Variants in GPT2 observed in about 807,000 individuals in gnomAD.
GPT2 encodes the protein alanine aminotransferase 2.
In GPT2, 30 loss-of-function variants were observed where a neutral mutation model predicts 56.9. The ratio of observed to expected loss-of-function variants is 0.53; its 90% CI spans 0.39 to 0.72. GPT2 has a LOEUF of 0.72. Ranked by LOEUF, GPT2 falls within the 30% of genes least tolerant of loss-of-function variation. The probability of loss-of-function intolerance (pLI) is 0.00; values close to 1 mark genes in which losing one functional copy is unlikely to be tolerated. For missense variants in GPT2, 542 were observed against 703.4 expected (o/e 0.77, Z 2.60); for synonymous variants, 271 against 283.1 (o/e 0.96, Z 0.43).
At chr16:46,925,388 A>AT (rs1383066809) in intron 10 of GPT2, among the ~76,000 whole-genome samples, 5 of 151,956 alleles carry the variant, frequency 3.3e-5, no homozygotes, top group Non-Finnish European at 5.9e-5. Flanking sequence ...CACCCGGATA[A>AT]TTTTTTGTAT....
At chr16:46,897,761 G>C (rs1219369921) in intron 3 of GPT2, 24 bp downstream of exon 3, 1 of 1,609,370 alleles carries the variant, frequency 6.2e-7, no homozygotes, top group Non-Finnish European at 8.5e-7. Context: ...AGGAGCAGAG[G>C]CTGCAGGAGG....
intron 2 of GPT2, among the ~76,000 whole-genome samples, chr16:46,887,815 C>T (rs1960514027): frequency 6.6e-6 from 1 of 152,154 alleles, no homozygotes; most frequent in Admixed American, 6.5e-5. Flanking sequence ...AGTCCCTATC[C>T]TTTTTGCTTC....
chr16:46,888,007 A>T (rs937770738), intron 2 of GPT2, among the ~76,000 whole-genome samples: 1 of 152,248 alleles, frequency 6.6e-6, no homozygotes, highest in Non-Finnish European at 1.5e-5. Context: ...GCACTTAAAA[A>T]TAAGCTGCAA....
At chr16:46,916,447 G>A (rs947420344) in intron 6 of GPT2, 181 bp from the exon 7 acceptor site, 19 of 612,160 alleles carry the variant, frequency 3.1e-5, no homozygotes, top group Admixed American at 6.9e-5. Flanking sequence ...TCTTCTGGGC[G>A]TCCCTGGAGG....
chr16:46,900,731 C>T lies in GPT2; in HGVS notation c.383C>T (p.Pro128Leu). The T allele has an allele frequency of 6.2e-7, 1 of 1,614,116 alleles. No individual in the cohort carries two copies. The highest frequency in any genetic ancestry group is 8.5e-7 in the Non-Finnish European group (1 of 1,179,984). Residue 128 changes from proline (P) to leucine (L), a missense_variant, in exon 4 of 12, where the codon CCA becomes CTA. Physicochemically the swap from Pro to Leu is moderately conservative, Grantham distance 98. Transcript: ENST00000340124. Reference protein sequence around the residue: ...YPNLLDSPSFPEDAKKRARRI... With the variant: ...YPNLLDSPSFLEDAKKRARRI... ...AACCTGCTGGACAGCCCCAGCTTCC[C>T]AGAAGATGCTAAGAAACGTGCCCGG...
chr16:46,922,122 C>T (rs1322434839), intron 8 of GPT2, 120 bp from the exon 9 acceptor site: 1 of 866,554 alleles, frequency 1.2e-6, no homozygotes, highest in Non-Finnish European at 1.8e-6. Context: ...GGCAAGAACT[C>T]AGCCACACCT....
intron 8 of GPT2, among the ~76,000 whole-genome samples, chr16:46,920,290 CTG>C (rs1293343526): frequency 1.3e-5 from 2 of 152,238 alleles, no homozygotes; most frequent in Admixed American, 6.5e-5. Flanking sequence ...ACCTGTTAAA[CTG>C]AAACATGCCA....
chr16:46,884,988 G>A, intron 2 of GPT2, 30 bp downstream of exon 2: 1 of 1,445,768 alleles, frequency 6.9e-7, no homozygotes, highest in Non-Finnish European at 9.2e-7. Flanking sequence ...CGGGGAGGCT[G>A]GGGCCGCTGA....
At chr16:46,885,278 T>G in intron 2 of GPT2, 1 of 1,073,564 alleles carries the variant, frequency 9.3e-7, no homozygotes. Context: ...GAGAGGAACA[T>G]AAGCGAATGA....
chr16:46,886,124 C>T (rs937601635), intron 2 of GPT2, among the ~76,000 whole-genome samples: 1 of 152,192 alleles, frequency 6.6e-6, no homozygotes, highest in African/African-American at 2.4e-5. Flanking sequence ...AGAGTCCAGT[C>T]TCCTGCGGAC....
intron 6 of GPT2, among the ~76,000 whole-genome samples, chr16:46,912,844 A>C (rs1039111556): frequency 1.3e-5 from 2 of 152,220 alleles, no homozygotes; most frequent in African/African-American, 4.8e-5. Flanking sequence ...ATTACATTTC[A>C]ATGTGAGATT....
At chr16:46,900,623 C>G in intron 3 of GPT2, 59 bp from the exon 4 acceptor site, 1 of 1,350,214 alleles carries the variant, frequency 7.4e-7, no homozygotes, top group East Asian at 2.3e-5. Context: ...CCTCTGTGCT[C>G]CTCCTGGAGC....
chr16:46,904,686 G>T (rs1960885487), intron 4 of GPT2, among the ~76,000 whole-genome samples: 1 of 152,150 alleles, frequency 6.6e-6, no homozygotes, highest in Non-Finnish European at 1.5e-5. Flanking sequence ...GGAAGTGGAT[G>T]CTCTTAGAGG....
intron 10 of GPT2, among the ~76,000 whole-genome samples, chr16:46,926,036 A>G (rs1393654711): frequency 6.7e-6 from 1 of 149,586 alleles, no homozygotes; most frequent in Non-Finnish European, 1.5e-5. Context: ...AGGCTGAGGC[A>G]GGGAGAATCG....
intron 2 of GPT2, chr16:46,885,360 C>T: frequency 3.9e-5 from 5 of 129,358 alleles, no homozygotes; most frequent in Non-Finnish European, 4.4e-5. Context: ...GGGATGGGGG[C>T]GGTGGGAGGG....
At chr16:46,892,221 A>G (rs1411004070) in intron 2 of GPT2, among the ~76,000 whole-genome samples, 1 of 152,098 alleles carries the variant, frequency 6.6e-6, no homozygotes, top group African/African-American at 2.4e-5. Flanking sequence ...CACTTCACAT[A>G]GTGTCCTCCA....
rs148552759 is a variant in GPT2, at chr16:46,888,766, C to T, written c.243+3808C>T. On this transcript the variant is annotated intron_variant, in intron 2 of 11. Transcript: ENST00000340124. ...CTGGGCTCAAGCCATCCTCCTACCT[C>T]AGTCTCCTGAGCAGCTTGGACTACA... is the stretch of plus-strand genomic sequence containing the variant. Among the ~76,000 whole-genome samples, 45 of 152,288 alleles carry T rather than the reference C, an allele frequency of 3.0e-4. 1 individual carries two copies. The East Asian group carries it at 8.5e-3, about 29-fold the overall frequency.
At chr16:46,922,674 C>T (rs891292102) in intron 9 of GPT2, among the ~76,000 whole-genome samples, 1 of 152,016 alleles carries the variant, frequency 6.6e-6, no homozygotes, top group African/African-American at 2.4e-5. Context: ...TGGCGAGTGT[C>T]GAAGAGGGAA....
chr16:46,885,780 A>T (rs1960471069), intron 2 of GPT2, among the ~76,000 whole-genome samples: 1 of 151,974 alleles, frequency 6.6e-6, no homozygotes. Context: ...AGGACCTAGG[A>T]GAGAGTTATA....
Sources: gnomAD v4.1 joint callset for allele counts (sites outside exome capture counted in the v4.1 genomes callset) on GRCh38, gnomAD v4.1.1 for gene constraint, MANE v1.5 for transcripts, NCBI Gene and HGNC (gene_info 2026-07-23, HGNC 2026-07-21) for gene names.